Variants in TNC observed in about 807,000 individuals in gnomAD.
The protein encoded by TNC is tenascin.
In TNC, 109 loss-of-function variants were observed where a neutral mutation model predicts 202.4. The ratio of observed to expected loss-of-function variants is 0.54; its 90% confidence interval spans 0.46 to 0.63. The LOEUF (loss-of-function observed/expected upper bound fraction) is 0.63. Among genes scored for constraint, TNC ranks in the 30% least tolerant of loss-of-function variants. TNC has a pLI of 0.00. For missense variants in TNC, 2,756 were observed against 2,833.3 expected (o/e 0.97, Z 0.62); for synonymous variants, 1,007 against 1,089.7 (o/e 0.92, Z 1.50).
At position 115,020,991 on chromosome 9, in the gene TNC, G is replaced by A; in HGVS notation, c.*166C>T. ...TGCAAAGAAAGAAATCACAGAGGAG[G>A]TGAGGCCCATGCTGTTGCCGTTGGC... is the stretch of plus-strand genomic sequence containing the variant. On this transcript the variant is annotated 3_prime_UTR_variant, in exon 28 of 28. Transcript: ENST00000350763. 1 of 577,082 alleles carries A rather than the reference G, an allele frequency of 1.7e-6. No individual in the cohort carries two copies. The highest frequency in any genetic ancestry group is 3.1e-6 in the Non-Finnish European group (1 of 326,452). The allele number at this position is 577,082 out of a possible 1,614,324, so 35.7% of individuals were successfully genotyped here. A position where few individuals can be genotyped will look rare whatever the true frequency, so the allele number is the denominator to read the frequency against.
chr9:115,038,289 A>T lies in TNC; in HGVS notation c.5484T>A (p.Ser1828Arg), dbSNP rs759502339. 6.2e-6 allele frequency: 10 copies of T among 1,613,986 alleles called. No individual in the cohort carries two copies. In the South Asian group the frequency reaches 6.6e-5, roughly 11 times the overall value. The change falls in exon 20 of 28, where the codon AGT (serine) becomes AGA (arginine). Residue 1828 changes from serine (S) to arginine (R), a missense_variant. Physicochemically the swap from Ser to Arg is moderately radical, Grantham distance 110. Around this residue, in one of 2 missense-constraint regions of TNC, gnomAD observed 2,559 missense variants for 2,546.0 expected, o/e 1.01. Transcript: ENST00000350763. ...TCTCGCCTGTGTAGGAGATGACATAACTGTCCACAGTGGCAATGGCTGGCT... is the reference window on the plus strand; with the variant it reads ...TCTCGCCTGTGTAGGAGATGACATATCTGTCCACAGTGGCAATGGCTGGCT... ...RWQPAIATVD[S>R]YVISYTGEKV...
In TNC at chr9:115,078,119, A is replaced by G. The variant is rs956845342; in HGVS notation, c.2498T>C (p.Ile833Thr). The change falls in exon 7 of 28, where the codon ATT becomes ACT. Residue 833 changes from isoleucine (I) to threonine (T), a missense_variant. Ile to Thr is a moderately conservative substitution (Grantham distance 89). Coordinates refer to ENST00000350763, the MANE Select transcript of TNC (RefSeq NM_002160.4). ...GTCTTTGATGCCGTAGGTCAGCTCAATGCCATCGATCTCAGCCAGGGGCTT... is the reference window on the plus strand; with the variant it reads ...GTCTTTGATGCCGTAGGTCAGCTCAGTGCCATCGATCTCAGCCAGGGGCTT... ...WFKPLAEIDG[I>T]ELTYGIKDVP... 17 of 1,614,062 alleles carry G rather than the reference A, an allele frequency of 1.1e-5. No individual in the cohort carries two copies. Among genetic ancestry groups the G allele is most frequent in the African/African-American group, 6.7e-5 (5 of 74,926 alleles).
intron 17 of TNC, among the ~76,000 whole-genome samples, chr9:115,043,085 C>T (rs373037759): frequency 3.9e-5 from 6 of 152,158 alleles, no homozygotes; most frequent in African/African-American, 7.2e-5. Flanking sequence ...CCCCTCAAAA[C>T]CCAGTTTCCT....
intron 20 of TNC, among the ~76,000 whole-genome samples, chr9:115,036,553 G>A (rs28393206): frequency 6.6e-6 from 1 of 152,054 alleles, no homozygotes; most frequent in South Asian, 2.1e-4. Context: ...GACCGAGGTA[G>A]AGGACGGTCG....
chr9:115,051,537 C>CTTTTTTTTTTTT (rs5900117), intron 15 of TNC, among the ~76,000 whole-genome samples: 1 of 131,312 alleles, frequency 7.6e-6, no homozygotes, highest in East Asian at 2.2e-4. Context: ...TCTTTTTTTT[C>CTTTTTTTTTTTT]TTTTTTTTTT....
chr9:115,082,229 C>G (rs897951924), intron 5 of TNC, among the ~76,000 whole-genome samples: 2 of 152,164 alleles, frequency 1.3e-5, no homozygotes, highest in Admixed American at 1.3e-4. Flanking sequence ...TAGACTGAGG[C>G]CAGCATCAGA....
chr9:115,116,255 G>A (rs1014043638), intron 1 of TNC, among the ~76,000 whole-genome samples: 7 of 152,192 alleles, frequency 4.6e-5, no homozygotes, highest in Non-Finnish European at 7.3e-5. Context: ...TTTAATGACT[G>A]TAGAGCTTGG....
intron 10 of TNC, among the ~76,000 whole-genome samples, chr9:115,069,222 C>T (rs2132831279): frequency 6.6e-6 from 1 of 152,302 alleles, no homozygotes; most frequent in East Asian, 1.9e-4. Context: ...TTCCAAAATT[C>T]CTGAGAGCTA....
intron 15 of TNC, chr9:115,052,686 G>T: frequency 3.1e-6 from 2 of 649,146 alleles, no homozygotes; most frequent in South Asian, 3.3e-5. Flanking sequence ...CCTTTAAGAT[G>T]ACTTATCTCC....
chr9:115,020,892 G>A lies in TNC; in HGVS notation c.*265C>T. The A allele has an allele frequency of 2.3e-6, 1 of 435,822 alleles. No homozygotes were observed. Among genetic ancestry groups the A allele is most frequent in the Admixed American group, 4.0e-5 (1 of 25,060 alleles). The allele number at this position is 435,822 out of a possible 1,614,324, so 27.0% of individuals were successfully genotyped here. On this transcript the variant is annotated 3_prime_UTR_variant, in exon 28 of 28. Coordinates refer to ENST00000350763, the MANE Select transcript of TNC (RefSeq NM_002160.4). Reference sequence around the variant, plus strand: ...CACCTAAGAGAAGTAAAAAACTATTGCGATGTTGTCACTGGGAGATTTTTG... The same window carrying A: ...CACCTAAGAGAAGTAAAAAACTATTACGATGTTGTCACTGGGAGATTTTTG...
intron 16 of TNC, among the ~76,000 whole-genome samples, chr9:115,047,875 CA>C (rs1412647331): frequency 3.9e-5 from 6 of 152,068 alleles, no homozygotes; most frequent in African/African-American, 1.4e-4. Context: ...TTTGAGATGG[CA>C]AAAGTTTTAA....
intron 16 of TNC, 129 bp from the exon 17 acceptor site, chr9:115,046,811 G>A (rs1053880753): frequency 9.5e-7 from 1 of 1,053,016 alleles, no homozygotes; most frequent in African/African-American, 1.6e-5. Context: ...AGTGTCCTGA[G>A]ATACCAAAAA....
rs1564398554 is a variant in TNC at position 115,024,105 on chromosome 9, G to A, written c.6363C>T (p.Ser2121=). ...CTGTGTCCTTGTCAAAGGTGGAGAAGGATCTGCCATTGTGGTAGGCCATGG... is the reference window on the plus strand; with the variant it reads ...CTGTGTCCTTGTCAAAGGTGGAGAAAGATCTGCCATTGTGGTAGGCCATGG... The part of the protein sequence containing the change: ...GDSMAYHNGR[S]FSTFDKDTDS... Residue 2121 remains serine (S), a synonymous_variant, in exon 27 of 28, where the codon TCC becomes TCT. Coordinates refer to ENST00000350763, the MANE Select transcript of TNC (RefSeq NM_002160.4). 3.1e-6 allele frequency: 5 copies of A among 1,614,110 alleles called. No individual in the cohort carries two copies. Among genetic ancestry groups the A allele is most frequent in the African/African-American group, 1.3e-5 (1 of 75,060 alleles).
intron 2 of TNC, among the ~76,000 whole-genome samples, chr9:115,087,741 GC>G (rs1834904896): frequency 7.6e-6 from 1 of 132,314 alleles, no homozygotes; most frequent in Admixed American, 8.6e-5. Flanking sequence ...TTGCTCTGTC[GC>G]CCAGGCTGGA....
intron 6 of TNC, among the ~76,000 whole-genome samples, chr9:115,079,571 G>A (rs1044284037): frequency 1.3e-5 from 2 of 152,120 alleles, no homozygotes; most frequent in African/African-American, 4.8e-5. Context: ...CCCTAGATTT[G>A]GGACCCTTGA....
At chr9:115,112,123 ACT>A (rs1458896559) in intron 1 of TNC, among the ~76,000 whole-genome samples, 5 of 152,040 alleles carry the variant, frequency 3.3e-5, no homozygotes, top group Admixed American at 1.3e-4. Flanking sequence ...AGAGAATAAG[ACT>A]CTGCTCATTT....
At chr9:115,024,193 A>G in intron 26 of TNC, 57 bp from the exon 27 acceptor site, 1 of 1,580,348 alleles carries the variant, frequency 6.3e-7, no homozygotes, top group Non-Finnish European at 8.7e-7. Flanking sequence ...TCCCTCCTGG[A>G]CAGTAAAGGG....
intron 1 of TNC, among the ~76,000 whole-genome samples, chr9:115,091,842 G>T (rs1835262801): frequency 6.6e-6 from 1 of 152,148 alleles, no homozygotes. Context: ...CCTGCTCCTT[G>T]ATTTATTTCC....
At chr9:115,105,197 C>G (rs1024923572) in intron 1 of TNC, among the ~76,000 whole-genome samples, 5 of 152,156 alleles carry the variant, frequency 3.3e-5, no homozygotes, top group Admixed American at 2.0e-4. Flanking sequence ...AAGCAGGAAA[C>G]CAGACTCTCA....
Sources: allele counts gnomAD v4.1 joint callset (sites outside exome capture counted in the v4.1 genomes callset), GRCh38; gene constraint gnomAD v4.1.1; regional missense constraint gnomAD v4.1.1; transcripts MANE v1.5; gene names NCBI Gene and HGNC (gene_info 2026-07-23, HGNC 2026-07-21).